Variants in ATP10B observed in about 807,000 individuals in gnomAD.
The protein encoded by ATP10B is phospholipid-transporting ATPase VB.
ATP10B carries 122 observed loss-of-function variants against 141.2 expected under a neutral mutation model. The ratio of observed to expected loss-of-function variants is 0.86; its 90% CI spans 0.75 to 1.00. ATP10B has a LOEUF of 1.00. ATP10B is among the 50% of genes least tolerant of loss of function. ATP10B has a pLI of 0.00. For missense variants in ATP10B, 1,876 were observed against 1,825.3 expected (o/e 1.03, Z -0.51); for synonymous variants, 685 against 692.0 (o/e 0.99, Z 0.16).
At chr5:160,598,188 C>T (rs1756849813) in intron 22 of ATP10B, among the ~76,000 whole-genome samples, 1 of 151,638 alleles carries the variant, frequency 6.6e-6, no homozygotes, top group Admixed American at 6.6e-5. Context: ...ACATATACAC[C>T]ATGGAATACT....
the ATP10B span, among the ~76,000 whole-genome samples, chr5:160,864,547 C>T: frequency 3.3e-5 from 5 of 151,134 alleles, no homozygotes; most frequent in Admixed American, 6.6e-5. Context: ...TACTTCTATT[C>T]GACATAGTAC....
intron 7 of ATP10B, among the ~76,000 whole-genome samples, chr5:160,649,831 C>A (rs888749029): frequency 2.6e-5 from 4 of 151,256 alleles, no homozygotes; most frequent in African/African-American, 7.4e-5. Context: ...ATATATATAT[C>A]CATTAGCCAG....
chr5:160,736,486 A>G (rs1767119405), intron 2 of ATP10B, among the ~76,000 whole-genome samples: 2 of 152,210 alleles, frequency 1.3e-5, no homozygotes, highest in South Asian at 4.1e-4. Flanking sequence ...CTAGTAGGCC[A>G]GGCATGGTGG....
Position 160,634,440 on chromosome 5 carries a change from GAGA to G in ATP10B, c.1292_1294del (p.Phe431del). The G allele has an allele frequency of 6.2e-7, 1 of 1,614,190 alleles. No individual in the cohort carries two copies. The highest frequency in any genetic ancestry group is 8.5e-7 in the Non-Finnish European group (1 of 1,180,028). On this transcript the variant is annotated inframe_deletion, in exon 12 of 26. Coordinates refer to ENST00000327245, the MANE Select transcript of ATP10B (RefSeq NM_025153.3). Reference sequence around the variant, plus strand: ...CTCTGTCAGGGTCCCCGTCTTATCGGAGAAGATGTACTGGATCTGGCCCAAGTC... The same window carrying G: ...CTCTGTCAGGGTCCCCGTCTTATCGGAGATGTACTGGATCTGGCCCAAGTC...
chr5:160,844,233 A>G (rs1775983841), intron 1 of ATP10B, among the ~76,000 whole-genome samples: 1 of 152,154 alleles, frequency 6.6e-6, no homozygotes, highest in Non-Finnish European at 1.5e-5. Context: ...TATATGTGCT[A>G]AAAGATATGC....
the ATP10B span, among the ~76,000 whole-genome samples, chr5:160,868,558 A>G: frequency 6.6e-6 from 1 of 150,918 alleles, no homozygotes; most frequent in African/African-American, 2.4e-5. Flanking sequence ...ACACACACAC[A>G]CACACACACA....
intron 7 of ATP10B, among the ~76,000 whole-genome samples, chr5:160,664,095 T>C (rs1249430319): frequency 1.3e-5 from 2 of 152,314 alleles, no homozygotes; most frequent in Non-Finnish European, 2.9e-5. Flanking sequence ...GAAAATGTGA[T>C]CTGTGCTCAA....
chr5:160,892,172 G>A, the ATP10B span, among the ~76,000 whole-genome samples: 711 of 152,114 alleles, frequency 4.7e-3, 4 homozygotes, highest in African/African-American at 0.015. Context: ...GCTTTTCATC[G>A]CATTTAGACT....
chr5:160,620,220 G>A (rs1758247702), intron 15 of ATP10B, 127 bp downstream of exon 15: 1 of 1,223,178 alleles, frequency 8.2e-7, no homozygotes, highest in South Asian at 1.5e-5. Flanking sequence ...CATCTTGTAG[G>A]TCTGTATTCC....
chr5:160,806,205 C>T (rs897658662), intron 1 of ATP10B, among the ~76,000 whole-genome samples: 8 of 152,154 alleles, frequency 5.3e-5, no homozygotes, highest in Non-Finnish European at 1.2e-4. Context: ...CATGTTTAAC[C>T]GGATACCTGG....
chr5:160,705,379 G>A (rs1323405574), intron 3 of ATP10B, among the ~76,000 whole-genome samples: 1 of 152,118 alleles, frequency 6.6e-6, no homozygotes, highest in Non-Finnish European at 1.5e-5. Context: ...AGGCCGCCAT[G>A]CCTGGCTATT....
At chr5:160,742,956 G>A (rs940170455) in intron 2 of ATP10B, among the ~76,000 whole-genome samples, 6 of 152,164 alleles carry the variant, frequency 3.9e-5, no homozygotes, top group Non-Finnish European at 8.8e-5. Flanking sequence ...ACTTTCAGCA[G>A]AAATAGGAGG....
intron 6 of ATP10B, among the ~76,000 whole-genome samples, chr5:160,675,615 G>A (rs1317334174): frequency 2.0e-5 from 3 of 152,218 alleles, no homozygotes; most frequent in East Asian, 1.9e-4. Context: ...ACAGGATGAT[G>A]AGCTGGCCTG....
chr5:160,648,447 A>G (rs1336679143), intron 8 of ATP10B, among the ~76,000 whole-genome samples: 1 of 152,206 alleles, frequency 6.6e-6, no homozygotes, highest in Non-Finnish European at 1.5e-5. Context: ...GTAGAAAAGC[A>G]TCGTATAAGG....
chr5:160,697,205 A>G (rs1238677505), intron 3 of ATP10B, among the ~76,000 whole-genome samples: 1 of 152,234 alleles, frequency 6.6e-6, no homozygotes, highest in Non-Finnish European at 1.5e-5. Flanking sequence ...GTTGCAGACA[A>G]ATATGCCAGA....
chr5:160,861,893 A>ACAC, the ATP10B span, among the ~76,000 whole-genome samples: 1 of 152,118 alleles, frequency 6.6e-6, no homozygotes, highest in East Asian at 1.9e-4. Flanking sequence ...ACATCTTAAC[A>ACAC]AATGGCATAT....
intron 3 of ATP10B, among the ~76,000 whole-genome samples, chr5:160,698,637 G>C (rs2127758803): frequency 6.6e-6 from 1 of 152,160 alleles, no homozygotes; most frequent in South Asian, 2.1e-4. Flanking sequence ...AGTGCAGAGA[G>C]GAAAATCAGT....
chr5:160,829,331 C>T (rs1774892803), intron 1 of ATP10B, among the ~76,000 whole-genome samples: 2 of 152,018 alleles, frequency 1.3e-5, no homozygotes, highest in African/African-American at 2.4e-5. Context: ...GTGTTTGTGC[C>T]AGTACCATGC....
chr5:160,879,966 T>G, the ATP10B span, among the ~76,000 whole-genome samples: 5 of 151,946 alleles, frequency 3.3e-5, no homozygotes, highest in Non-Finnish European at 7.4e-5. Context: ...TCAAGTGGAA[T>G]TTGAAATTCA....
Sources: allele counts gnomAD v4.1 joint callset (sites outside exome capture counted in the v4.1 genomes callset), GRCh38; gene constraint gnomAD v4.1.1; transcripts MANE v1.5; gene names NCBI Gene and HGNC (gene_info 2026-07-23, HGNC 2026-07-21).